FAM153A: variants seen among roughly 807,000 people sequenced by gnomAD.
The protein encoded by FAM153A is protein FAM153A.
Under a neutral mutation model 48.1 loss-of-function variants are expected in FAM153A, and 12 were observed. The observed-to-expected ratio is 0.25, with a 90% confidence interval of 0.16 to 0.40. The LOEUF (loss-of-function observed/expected upper bound fraction) is 0.40, where lower values mean the gene tolerates loss of function less well. FAM153A is among the 10% of genes least tolerant of loss of function. The probability of loss-of-function intolerance (pLI) is 1.00; values close to 1 mark genes in which losing one functional copy is unlikely to be tolerated. For missense variants in FAM153A, 111 were observed against 345.8 expected (o/e 0.32, Z 5.38); for synonymous variants, 36 against 118.2 (o/e 0.30, Z 4.51).
At chr5:177,701,652 A>G in the FAM153A span, among the ~76,000 whole-genome samples, 12,398 of 151,864 alleles carry the variant, frequency 0.082, 624 homozygotes, top group African/African-American at 0.087. Context: ...CTAATACAGA[A>G]AATTGGTACC....
At chr5:177,736,536 A>G in intron 12 of FAM153A, 43 bp downstream of exon 14, 1 of 1,470,220 alleles carries the variant, frequency 6.8e-7, no homozygotes, top group Non-Finnish European at 9.2e-7. Flanking sequence ...TTGCAACTCT[A>G]ATATTTTGAA....
downstream of FAM153A, among the ~76,000 whole-genome samples, chr5:177,710,275 G>A (rs1334450076): frequency 2.0e-5 from 3 of 151,356 alleles, no homozygotes; most frequent in Non-Finnish European, 4.4e-5. Context: ...ACCACACCCA[G>A]CTAATTTTTT....
chr5:177,755,828 A>G (rs1561945399), upstream of FAM153A, among the ~76,000 whole-genome samples: 1 of 150,170 alleles, frequency 6.7e-6, no homozygotes, highest in African/African-American at 2.5e-5. Context: ...AAGAGCTCCT[A>G]AAGGAAGCAC....
At chr5:177,709,674 G>T (rs1188020657), downstream of FAM153A, among the ~76,000 whole-genome samples, 238 of 106,832 alleles carry the variant, frequency 2.2e-3, 2 homozygotes, top group East Asian at 2.6e-3. Context: ...TTTTTTTTTT[G>T]TTTTTTTTTT....
At chr5:177,752,637 AAAAAAG>A (rs1767103627) in intron 1 of FAM153A, among the ~76,000 whole-genome samples, 1 of 133,810 alleles carries the variant, frequency 7.5e-6, no homozygotes, top group Non-Finnish European at 1.6e-5. Flanking sequence ...AAAAAAAAAA[AAAAAAG>A]AAAAGTCCAG....
intron 1 of FAM153A, 60 bp downstream of exon 4, chr5:177,763,257 G>GGACA: frequency 1.1e-5 from 1 of 89,262 alleles, no homozygotes; most frequent in African/African-American, 4.1e-5. Flanking sequence ...ACCAGGGCTA[G>GGACA]GCTCAATGGG....
At chr5:177,729,649 A>G in intron 16 of FAM153A, 94 bp from the exon 19 acceptor site, 1 of 1,598,908 alleles carries the variant, frequency 6.3e-7, no homozygotes, top group Non-Finnish European at 8.5e-7. Context: ...CGTGTGTGGA[A>G]AGGTGTGTTC....
chr5:177,746,789 C>T (rs1171820816), intron 4 of FAM153A, among the ~76,000 whole-genome samples: 1 of 151,658 alleles, frequency 6.6e-6, no homozygotes, highest in Admixed American at 6.6e-5. Flanking sequence ...TTCCAGCAGA[C>T]GAGATGGGCA....
chr5:177,760,912 C>T (rs1768252604), intron 1 of FAM153A, among the ~76,000 whole-genome samples: 1 of 147,328 alleles, frequency 6.8e-6, no homozygotes, highest in Admixed American at 6.8e-5. Flanking sequence ...AACTAATACC[C>T]CCAAATGCTG....
chr5:177,718,503 C>T (rs1306444301), downstream of FAM153A: 2 of 133,900 alleles, frequency 1.5e-5, no homozygotes, highest in African/African-American at 5.3e-5. Flanking sequence ...GGTTCCAGTC[C>T]TTCTACTTCG....
At chr5:177,718,856 C>T (rs1760437396), downstream of FAM153A, among the ~76,000 whole-genome samples, 1 of 149,770 alleles carries the variant, frequency 6.7e-6, no homozygotes, top group East Asian at 1.9e-4. Context: ...CAAAAATACC[C>T]ATCAGACATA....
At chr5:177,763,616 GCCTTGA>G in intron 1 of FAM153A, 106 bp from the exon 4 acceptor site, 1 of 152,136 alleles carries the variant, frequency 6.6e-6, no homozygotes, top group Middle Eastern at 3.4e-3. Context: ...TCCTGGGCCT[GCCTTGA>G]TATTGACAGC....
At chr5:177,718,923 C>T (rs1426050035), downstream of FAM153A, among the ~76,000 whole-genome samples, 34 of 151,292 alleles carry the variant, frequency 2.2e-4, no homozygotes, top group African/African-American at 8.0e-4. Flanking sequence ...GTTCTATTAT[C>T]CAGACTGAAT....
chr5:177,737,769 C>G (rs1764911128), intron 10 of FAM153A, among the ~76,000 whole-genome samples: 1 of 151,726 alleles, frequency 6.6e-6, no homozygotes, highest in South Asian at 2.1e-4. Flanking sequence ...ATCCACCCGT[C>G]TTGGCCCCCC....
chr5:177,698,566 CT>C, the FAM153A span, among the ~76,000 whole-genome samples: 9 of 151,458 alleles, frequency 5.9e-5, no homozygotes, highest in Admixed American at 2.0e-4. Context: ...ACATTTAAAG[CT>C]TTTTTTTATC....
At chr5:177,730,422 G>A (rs1763597171) in intron 16 of FAM153A, among the ~76,000 whole-genome samples, 2 of 121,250 alleles carry the variant, frequency 1.6e-5, no homozygotes, top group African/African-American at 2.7e-5. Flanking sequence ...AATAGAGTAT[G>A]GCACTGATTA....
rs1174725739 is a variant in FAM153A at position 177,771,314 on chromosome 5, A to C, written c.-57+9135T>G. Among the ~76,000 whole-genome samples, 4 of 97,444 alleles carry C rather than the reference A, an allele frequency of 4.1e-5. 2 individuals are homozygous for C. The highest frequency in any genetic ancestry group is 1.6e-4 in the African/African-American group (4 of 24,594). 63.9% of individuals were successfully genotyped at this position (97,444 alleles called of 152,430 possible). ...CTTATTCAATTTAACCCTTTCACTG[A>C]AAGGTTAAAGAGATAAGAAGGACAG... On this transcript the variant is annotated intron_variant, in intron 1 of 8. Coordinates refer to the FAM153A transcript ENST00000393518.
At chr5:177,705,640 A>ATT (rs1261402687), downstream of FAM153A, among the ~76,000 whole-genome samples, 1 of 106,100 alleles carries the variant, frequency 9.4e-6, no homozygotes, top group Non-Finnish European at 2.0e-5. Flanking sequence ...ACTAGAAAAC[A>ATT]TTTTTCTTTT....
chr5:177,756,190 T>A (rs1462529275), upstream of FAM153A, among the ~76,000 whole-genome samples: 1 of 150,326 alleles, frequency 6.7e-6, no homozygotes, highest in East Asian at 1.9e-4. Context: ...GCAATCCTAA[T>A]CTCTGATAAA....
Sources: allele counts gnomAD v4.1 joint callset (sites outside exome capture counted in the v4.1 genomes callset), GRCh38; gene constraint gnomAD v4.1.1; transcripts MANE v1.5; gene names NCBI Gene and HGNC (gene_info 2026-07-23, HGNC 2026-07-21).